The following ST18 variants were observed in gnomAD, a reference collection of about 807,000 sequenced individuals.
ST18 encodes the protein suppression of tumorigenicity 18 protein.
A neutral mutation model predicts 110.0 loss-of-function variants in ST18; 50 were observed. The ratio of observed to expected loss-of-function variants is 0.45; its 90% CI spans 0.36 to 0.58. The LOEUF (loss-of-function observed/expected upper bound fraction) is 0.58, where lower values mean the gene tolerates loss of function less well. Ranked by LOEUF, ST18 falls within the 20% of genes least tolerant of loss-of-function variation. ST18 has a pLI of 0.00. For missense variants in ST18, 1,306 were observed against 1,280.1 expected (o/e 1.02, Z -0.31); for synonymous variants, 461 against 452.4 (o/e 1.02, Z -0.24).
At chr8:52,301,758 T>TA (rs1362568416) in intron 2 of ST18, 8 of 152,214 alleles carry the variant, frequency 5.3e-5, no homozygotes, top group Non-Finnish European at 7.3e-5. Context: ...GATCTGCTTG[T>TA]AAAAATCTAA....
chr8:52,164,096 T>C lies in ST18; in HGVS notation c.1296-6A>G. On this transcript the variant is annotated splice_region_variant and splice_polypyrimidine_tract_variant and intron_variant, in intron 12 of 25. Transcript: ENST00000689386. ...CAATTGGACAACCAGAAAGACTGTTTAAAAAAAGAAACACAGGAGGATTTT... is the reference window on the plus strand; with the variant it reads ...CAATTGGACAACCAGAAAGACTGTTCAAAAAAAGAAACACAGGAGGATTTT... The C allele has an allele frequency of 2.5e-6, 4 of 1,611,510 alleles. No individual in the cohort carries two copies. Among genetic ancestry groups the C allele is most frequent in the Non-Finnish European group, 3.4e-6 (4 of 1,177,832 alleles).
intron 15 of ST18, among the ~76,000 whole-genome samples, chr8:52,157,994 G>A (rs1438012832): frequency 6.6e-6 from 1 of 152,214 alleles, no homozygotes; most frequent in Admixed American, 6.5e-5. Flanking sequence ...TATTTCAGTG[G>A]CTTCAGCCAT....
rs376856751 is a variant in ST18 at position 52,196,737 on chromosome 8, G to T, written c.86+15342C>A. Among the ~76,000 whole-genome samples, 7 of 152,284 alleles carry T rather than the reference G, an allele frequency of 4.6e-5. No individual in the cohort carries two copies. In the East Asian group the frequency reaches 1.4e-3, roughly 29 times the overall value. ...ATGTATGTATAGGAAAAAACATAGT[G>T]TATATAGGGTTTGGTACTAGCTGAG... On this transcript the variant is annotated intron_variant, in intron 8 of 25. Coordinates refer to ENST00000689386, the MANE Select transcript of ST18 (RefSeq NM_001352837.2).
Position 52,158,953 on chromosome 8 carries a change from C to A in ST18, c.1751G>T (p.Arg584Leu), listed in dbSNP as rs200417136. 6.2e-7 allele frequency: 1 copy of A among 1,614,012 alleles called. No individual in the cohort carries two copies. The highest frequency in any genetic ancestry group is 8.5e-7 in the Non-Finnish European group (1 of 1,179,920). Residue 584 changes from arginine (R) to leucine (L), a missense_variant, in exon 15 of 26, where the codon CGC becomes CTC. By Grantham distance (102) the Arg-to-Leu change is moderately radical. Transcript: ENST00000689386. ...AAAAILNLST[R>L]CREATDILSN... ...GAGGATGTCTGTGGCTTCCCTGCAG[C>A]GGGTGGAAAGGTTCAGGATGGCAGC...
chr8:52,116,174 C>T (rs2042462473), intron 25 of ST18, 101 bp downstream of exon 25: 4 of 1,380,646 alleles, frequency 2.9e-6, no homozygotes, highest in Non-Finnish European at 3.0e-6. Flanking sequence ...TGACTGCTCA[C>T]AGGTCTCCTC....
At chr8:52,148,309 G>C (rs1206762486) in intron 16 of ST18, among the ~76,000 whole-genome samples, 1 of 152,162 alleles carries the variant, frequency 6.6e-6, no homozygotes, top group African/African-American at 2.4e-5. Context: ...AAATGACTAA[G>C]GCCAGTATGA....
At position 52,320,884 on chromosome 8, in the gene ST18, G is replaced by A. The variant is rs535628864; in HGVS notation, c.-465+88444C>T. Reference sequence around the variant, plus strand: ...TGAGGATATCCACAAGGATGCTCACGCTGCATTGTTCATGTCAGTGGAAAT... The same window carrying A: ...TGAGGATATCCACAAGGATGCTCACACTGCATTGTTCATGTCAGTGGAAAT... On this transcript the variant is annotated intron_variant, in intron 2 of 25. Coordinates refer to ENST00000689386, the MANE Select transcript of ST18 (RefSeq NM_001352837.2). Among the ~76,000 whole-genome samples the A allele has an allele frequency of 1.4e-4, 22 of 152,320 alleles. No individual in the cohort carries two copies. The East Asian group carries it at 1.5e-3, about 11-fold the overall frequency.
At chr8:52,281,787 T>C (rs1489332517) in intron 2 of ST18, among the ~76,000 whole-genome samples, 1 of 152,160 alleles carries the variant, frequency 6.6e-6, no homozygotes, top group African/African-American at 2.4e-5. Context: ...GTGAAGTAAC[T>C]CAGGAATGGA....
intron 2 of ST18, among the ~76,000 whole-genome samples, chr8:52,304,274 T>C (rs2095778049): frequency 6.6e-6 from 1 of 152,186 alleles, no homozygotes; most frequent in Non-Finnish European, 1.5e-5. Flanking sequence ...CTAGTAGAAA[T>C]ACTGGAAGTA....
At chr8:52,238,646 C>T (rs993688323) in intron 2 of ST18, among the ~76,000 whole-genome samples, 1 of 151,996 alleles carries the variant, frequency 6.6e-6, no homozygotes, top group Non-Finnish European at 1.5e-5. Flanking sequence ...CACATGTGCA[C>T]ATACATATAT....
intron 5 of ST18, among the ~76,000 whole-genome samples, chr8:52,218,498 C>T (rs2085282573): frequency 6.6e-6 from 1 of 151,248 alleles, no homozygotes; most frequent in Non-Finnish European, 1.5e-5. Context: ...AGCGGTTCTC[C>T]TGCCTCAGCT....
chr8:52,380,495 G>T lies in ST18; in HGVS notation c.-465+28833C>A, dbSNP rs578081877. On this transcript the variant is annotated intron_variant, in intron 2 of 25. Coordinates refer to ENST00000689386, the MANE Select transcript of ST18 (RefSeq NM_001352837.2). ...GACGGGCACCCCTAATCTCCATGTTGTTCAAGGGCCCACTGCACAATGTTG... is the reference window on the plus strand; with the variant it reads ...GACGGGCACCCCTAATCTCCATGTTTTTCAAGGGCCCACTGCACAATGTTG... Among the ~76,000 whole-genome samples the T allele has an allele frequency of 9.1e-4, 139 of 152,148 alleles. 3 individuals carry two copies. Among genetic ancestry groups the T allele is most frequent in the Middle Eastern group, 3.4e-3 (1 of 294 alleles).
At chr8:52,218,130 T>A (rs2085076173) in intron 5 of ST18, among the ~76,000 whole-genome samples, 1 of 152,198 alleles carries the variant, frequency 6.6e-6, no homozygotes, top group Admixed American at 6.5e-5. Context: ...ATTAAAAAGC[T>A]GAACATAAGA....
intron 2 of ST18, among the ~76,000 whole-genome samples, chr8:52,317,809 T>A (rs2096058491): frequency 6.6e-6 from 1 of 152,258 alleles, no homozygotes; most frequent in African/African-American, 2.4e-5. Flanking sequence ...TTTCTCATTT[T>A]AAATAGTTTA....
At chr8:52,266,960 G>T (rs1394941603) in intron 2 of ST18, among the ~76,000 whole-genome samples, 1 of 152,168 alleles carries the variant, frequency 6.6e-6, no homozygotes, top group Non-Finnish European at 1.5e-5. Flanking sequence ...TCTCTGGAGA[G>T]GAGAAAGATT....
chr8:52,401,781 T>G (rs1302438741), intron 2 of ST18, among the ~76,000 whole-genome samples: 6 of 152,216 alleles, frequency 3.9e-5, no homozygotes, highest in African/African-American at 1.4e-4. Context: ...AATTCCTTTT[T>G]AAGCAATTTC....
intron 8 of ST18, among the ~76,000 whole-genome samples, chr8:52,189,096 G>A (rs529217735): frequency 6.6e-6 from 1 of 152,232 alleles, no homozygotes; most frequent in South Asian, 2.1e-4. Flanking sequence ...CATCACACTG[G>A]AGATGATGAA....
intron 2 of ST18, among the ~76,000 whole-genome samples, chr8:52,394,961 C>T (rs1418973041): frequency 6.9e-6 from 1 of 144,226 alleles, no homozygotes; most frequent in Admixed American, 6.7e-5. Flanking sequence ...TGATTCAAGA[C>T]ACGAAAGTGG....
chr8:52,195,251 T>C (rs1022050649), intron 8 of ST18, among the ~76,000 whole-genome samples: 5 of 152,186 alleles, frequency 3.3e-5, no homozygotes, highest in African/African-American at 1.2e-4. Flanking sequence ...ATTATGTGGA[T>C]TTTAGAATCA....
Sources: allele counts gnomAD v4.1 joint callset (sites outside exome capture counted in the v4.1 genomes callset), GRCh38; gene constraint gnomAD v4.1.1; transcripts MANE v1.5; gene names NCBI Gene and HGNC (gene_info 2026-07-23, HGNC 2026-07-21).